Variants in TCF12 observed in about 807,000 individuals in gnomAD.
TCF12 encodes the protein DNA-binding protein HTF4.
TCF12 carries 45 observed loss-of-function variants against 86.0 expected under a neutral mutation model. The observed-to-expected ratio is 0.52, with a 90% CI of 0.41 to 0.67. The LOEUF is 0.67. TCF12 is among the 30% of genes least tolerant of loss of function. The pLI is 0.00. For missense variants in TCF12, 881 were observed against 859.9 expected, an observed-to-expected ratio of 1.02 and a Z score of -0.31; for synonymous variants, 330 against 299.6, an observed-to-expected ratio of 1.10 and a Z score of -1.05.
At chr15:57,137,239 C>A (rs1362168132) in intron 5 of TCF12, among the ~76,000 whole-genome samples, 1 of 152,172 alleles carries the variant, frequency 6.6e-6, no homozygotes, top group Non-Finnish European at 1.5e-5. Flanking sequence ...GCCTCGGCCT[C>A]CCAAAGTGCT....
chr15:56,985,181 C>T (rs921179684), intron 3 of TCF12, among the ~76,000 whole-genome samples: 4 of 152,140 alleles, frequency 2.6e-5, no homozygotes, highest in Non-Finnish European at 5.9e-5. Flanking sequence ...TGCTTTTTCT[C>T]CAATCCCGTG....
At chr15:56,932,794 C>T (rs1595733240) in intron 3 of TCF12, among the ~76,000 whole-genome samples, 1 of 152,192 alleles carries the variant, frequency 6.6e-6, no homozygotes, top group East Asian at 1.9e-4. Context: ...TTAATTCTGC[C>T]CACCTTGGCC....
intron 3 of TCF12, among the ~76,000 whole-genome samples, chr15:56,957,286 A>T (rs539670348): frequency 6.6e-6 from 1 of 152,286 alleles, no homozygotes; most frequent in South Asian, 2.1e-4. Context: ...AATTTTGAAA[A>T]TTTTTGGAAG....
chr15:56,962,064 C>T (rs1387410044), intron 3 of TCF12, among the ~76,000 whole-genome samples: 2 of 140,176 alleles, frequency 1.4e-5, no homozygotes, highest in African/African-American at 5.4e-5. Context: ...ACCCGGGAGG[C>T]GGAGCTTGCA....
intron 2 of TCF12, among the ~76,000 whole-genome samples, chr15:56,920,214 A>G (rs1413836218): frequency 6.6e-6 from 1 of 152,122 alleles, no homozygotes; most frequent in African/African-American, 2.4e-5. Context: ...TAAAACTTTA[A>G]TGCCAGAGGG....
intron 3 of TCF12, among the ~76,000 whole-genome samples, chr15:57,051,868 A>T (rs2962993): frequency 6.6e-6 from 1 of 151,984 alleles, no homozygotes; most frequent in South Asian, 2.1e-4. Context: ...GTGGACGTCC[A>T]GTTTTCCCAT....
intron 4 of TCF12, among the ~76,000 whole-genome samples, chr15:57,089,046 G>A (rs191911864): frequency 6.6e-6 from 1 of 152,226 alleles, no homozygotes; most frequent in Non-Finnish European, 1.5e-5. Flanking sequence ...GCTACCCCCA[G>A]TCCTTGAAGT....
Position 57,263,185 on chromosome 15 carries a change from C to G in TCF12, c.1656C>G (p.Asn552Lys). The G allele has an allele frequency of 6.2e-7, 1 of 1,613,238 alleles. No individual in the cohort carries two copies. Among genetic ancestry groups the G allele is most frequent in the Non-Finnish European group, 8.5e-7 (1 of 1,179,726 alleles). The part of the protein sequence containing the change: ...IKTENKEKDE[N>K]LHEPPSSDDM... ...CTGAAAACAAAGAAAAGGATGAAAA[C>G]CTTCATGAACCTCCTTCATCAGATG... The change falls in exon 18 of 21, where the codon AAC becomes AAG. Residue 552 changes from asparagine to lysine, a missense_variant. Around this residue, in one of 3 missense-constraint regions of TCF12, gnomAD observed 766 missense variants for 718.9 expected, o/e 1.07. Coordinates refer to ENST00000333725, the MANE Select transcript of TCF12 (RefSeq NM_207037.2).
intron 8 of TCF12, among the ~76,000 whole-genome samples, chr15:57,229,620 C>G (rs1440309695): frequency 6.6e-6 from 1 of 151,710 alleles, no homozygotes; most frequent in Non-Finnish European, 1.5e-5. Flanking sequence ...TCATGTTAGA[C>G]GAAAACTGTA....
At chr15:57,202,824 G>A (rs1471492615) in intron 8 of TCF12, among the ~76,000 whole-genome samples, 1 of 152,088 alleles carries the variant, frequency 6.6e-6, no homozygotes, top group African/African-American at 2.4e-5. Flanking sequence ...GGATGATAAT[G>A]CCTATCTCAG....
chr15:57,057,093 A>C (rs1323080972), intron 3 of TCF12, among the ~76,000 whole-genome samples: 1 of 152,240 alleles, frequency 6.6e-6, no homozygotes, highest in Non-Finnish European at 1.5e-5. Context: ...AGCAAAAATT[A>C]TCTCTTGCCT....
At chr15:57,076,509 T>A (rs1329396484) in intron 4 of TCF12, among the ~76,000 whole-genome samples, 3 of 151,666 alleles carry the variant, frequency 2.0e-5, no homozygotes, top group African/African-American at 7.3e-5. Flanking sequence ...AAAAATTTGC[T>A]GGGCGTGGTG....
At chr15:56,947,593 T>C (rs1201039199) in intron 3 of TCF12, among the ~76,000 whole-genome samples, 1 of 152,212 alleles carries the variant, frequency 6.6e-6, no homozygotes, top group Non-Finnish European at 1.5e-5. Flanking sequence ...TCTTGTATTA[T>C]TTGTTTTCCA....
chr15:57,207,197 A>G (rs574789229), intron 8 of TCF12, among the ~76,000 whole-genome samples: 1 of 152,284 alleles, frequency 6.6e-6, no homozygotes, highest in African/African-American at 2.4e-5. Flanking sequence ...TGTGAAACCA[A>G]TTCTTTTGAA....
intron 6 of TCF12, among the ~76,000 whole-genome samples, chr15:57,190,912 G>A (rs965897961): frequency 2.0e-5 from 3 of 152,156 alleles, no homozygotes; most frequent in South Asian, 2.1e-4. Flanking sequence ...AATGGTGGAC[G>A]AAGTATAACA....
intron 8 of TCF12, among the ~76,000 whole-genome samples, chr15:57,209,428 G>A (rs542422140): frequency 1.4e-4 from 21 of 152,222 alleles, no homozygotes; most frequent in East Asian, 3.9e-4. Flanking sequence ...GTCCTCACGC[G>A]AAAGAAAAGT....
intron 5 of TCF12, among the ~76,000 whole-genome samples, chr15:57,124,344 A>G (rs1033622935): frequency 1.3e-5 from 2 of 152,170 alleles, no homozygotes; most frequent in African/African-American, 2.4e-5. Context: ...TAGTACAGCT[A>G]TGACAAACAA....
intron 5 of TCF12, among the ~76,000 whole-genome samples, chr15:57,103,476 C>T (rs1201544922): frequency 1.3e-5 from 2 of 152,164 alleles, no homozygotes; most frequent in Admixed American, 6.5e-5. Flanking sequence ...CTACTTTCCA[C>T]ATGTACATTT....
chr15:57,058,751 C>G (rs2141665468), intron 3 of TCF12, among the ~76,000 whole-genome samples: 2 of 152,228 alleles, frequency 1.3e-5, no homozygotes, highest in Middle Eastern at 6.8e-3. Flanking sequence ...CCCTTTTTTA[C>G]TAATGTGTAG....
Sources: allele counts gnomAD v4.1 joint callset (sites outside exome capture counted in the v4.1 genomes callset), GRCh38; gene constraint gnomAD v4.1.1; regional missense constraint gnomAD v4.1.1; transcripts MANE v1.5; gene names NCBI Gene and HGNC (gene_info 2026-07-23, HGNC 2026-07-21).